Variants in GK5 observed in about 807,000 individuals in gnomAD.
GK5 encodes the protein ATP:glycerol 3-phosphotransferase 5.
In GK5, 39 loss-of-function variants were observed where a neutral mutation model predicts 77.3. The ratio of observed to expected loss-of-function variants is 0.50; its 90% confidence interval spans 0.39 to 0.66. The LOEUF (loss-of-function observed/expected upper bound fraction) is 0.66, where lower values mean the gene tolerates loss of function less well. GK5 is among the 30% of genes least tolerant of loss of function. The probability of loss-of-function intolerance (pLI) is 0.00; values close to 1 mark genes in which losing one functional copy is unlikely to be tolerated. For synonymous variants in GK5, 211 were observed against 208.0 expected, an observed-to-expected ratio of 1.01 and a Z score of -0.13; for missense variants, 487 against 633.8, an observed-to-expected ratio of 0.77 and a Z score of 2.49.
At chr3:142,179,728 A>C (rs1378654367) in intron 11 of GK5, among the ~76,000 whole-genome samples, 1 of 152,204 alleles carries the variant, frequency 6.6e-6, no homozygotes, top group East Asian at 1.9e-4. Context: ...TCTCTAAATA[A>C]TCTTCCACTT....
chr3:142,214,150 T>C (rs2107797356), intron 2 of GK5, among the ~76,000 whole-genome samples: 1 of 152,208 alleles, frequency 6.6e-6, no homozygotes, highest in East Asian at 1.9e-4. Context: ...AATAACAAAG[T>C]AGCTTTTTTT....
At chr3:142,185,673 G>T in intron 9 of GK5, 1 of 1,308,346 alleles carries the variant, frequency 7.6e-7, no homozygotes, top group Non-Finnish European at 9.8e-7. Context: ...TAAGTTTTCT[G>T]ATAAACAATA....
At chr3:142,201,090 A>G (rs948896893) in intron 4 of GK5, among the ~76,000 whole-genome samples, 3 of 152,228 alleles carry the variant, frequency 2.0e-5, no homozygotes, top group Non-Finnish European at 4.4e-5. Context: ...AGATCCTTAC[A>G]AAAGAAAACA....
At chr3:142,205,794 G>A (rs1434636534) in intron 3 of GK5, among the ~76,000 whole-genome samples, 4 of 152,076 alleles carry the variant, frequency 2.6e-5, no homozygotes, top group Non-Finnish European at 5.9e-5. Context: ...TATTTTACGT[G>A]TACAATTCAG....
intron 12 of GK5, among the ~76,000 whole-genome samples, chr3:142,175,826 C>T (rs1185089900): frequency 2.0e-5 from 3 of 148,198 alleles, no homozygotes; most frequent in African/African-American, 7.4e-5. Context: ...AAAAAATATA[C>T]TTTATATTAT....
At chr3:142,181,917 A>G (rs932616727) in intron 10 of GK5, among the ~76,000 whole-genome samples, 3 of 152,260 alleles carry the variant, frequency 2.0e-5, no homozygotes, top group Non-Finnish European at 2.9e-5. Flanking sequence ...ATATGGCAAT[A>G]AATATTTTAC....
At position 142,214,855 on chromosome 3, in the gene GK5, T is replaced by C. The variant is rs531095816; in HGVS notation, c.241+744A>G. 3.9e-5 allele frequency among the ~76,000 whole-genome samples: 6 copies of C among 152,344 alleles called. No individual in the cohort carries two copies. In the South Asian group the frequency reaches 1.0e-3, roughly 26 times the overall value. On this transcript the variant is annotated intron_variant, in intron 2 of 15. Coordinates refer to ENST00000392993, the MANE Select transcript of GK5 (RefSeq NM_001039547.3). ...GTTATAGGAGAAAATACTCCTTTCC[T>C]ATGGTTCAGAAAGAAAAAAACAGTT...
rs2063401679 is a variant in GK5 at position 142,158,790 on chromosome 3, A to G, written c.*6832T>C. Reference sequence around the variant, plus strand: ...CCTGCTTTAAATAAAAAGGTTAGAAACATTATGATAACTATGTACAAAGTA... The same window carrying G: ...CCTGCTTTAAATAAAAAGGTTAGAAGCATTATGATAACTATGTACAAAGTA... On this transcript the variant is annotated 3_prime_UTR_variant, in exon 16 of 16. Transcript: ENST00000392993. 1 of 152,466 alleles carries G rather than the reference A, an allele frequency of 6.6e-6. No homozygotes were observed. Among genetic ancestry groups the G allele is most frequent in the South Asian group, 2.1e-4 (1 of 4,830 alleles). The allele number at this position is 152,466 out of a possible 1,614,324, so 9.4% of individuals were successfully genotyped here.
At chr3:142,179,807 C>A (rs1258294555) in intron 11 of GK5, among the ~76,000 whole-genome samples, 5 of 152,196 alleles carry the variant, frequency 3.3e-5, no homozygotes, top group African/African-American at 1.2e-4. Context: ...CTCTCTCCCC[C>A]ACTGAATGTA....
intron 3 of GK5, among the ~76,000 whole-genome samples, chr3:142,213,283 CGAAA>C (rs201763247): frequency 0.015 from 2,316 of 152,030 alleles, 60 homozygotes; most frequent in African/African-American, 0.053. Context: ...CTAACTTACC[CGAAA>C]GAAAGAAATG....
intron 1 of GK5, 112 bp downstream of exon 1, chr3:142,225,197 G>A (rs1344592331): frequency 8.3e-7 from 1 of 1,205,464 alleles, no homozygotes; most frequent in East Asian, 3.1e-5. Flanking sequence ...GGTGCTGCAG[G>A]TGGCCGCGTC....
intron 2 of GK5, among the ~76,000 whole-genome samples, chr3:142,215,375 G>A (rs1228754337): frequency 6.6e-6 from 1 of 152,152 alleles, no homozygotes; most frequent in Non-Finnish European, 1.5e-5. Flanking sequence ...TTATATTACA[G>A]TCGAAAAGAG....
intron 1 of GK5, among the ~76,000 whole-genome samples, chr3:142,219,304 T>A (rs1341861520): frequency 6.6e-6 from 1 of 152,202 alleles, no homozygotes; most frequent in African/African-American, 2.4e-5. Flanking sequence ...GCAGCTCTAT[T>A]AATGATCACC....
At chr3:142,222,024 T>A (rs930462210) in intron 1 of GK5, among the ~76,000 whole-genome samples, 15 of 152,230 alleles carry the variant, frequency 9.9e-5, no homozygotes, top group Non-Finnish European at 1.2e-4. Flanking sequence ...CTATTATACA[T>A]TCTTTCCATT....
intron 3 of GK5, among the ~76,000 whole-genome samples, chr3:142,208,968 T>C (rs1178167926): frequency 6.6e-6 from 1 of 152,074 alleles, no homozygotes. Context: ...GCTAACATGG[T>C]GAAACCCCGT....
At chr3:142,224,009 G>C (rs2064394097) in intron 1 of GK5, among the ~76,000 whole-genome samples, 1 of 152,114 alleles carries the variant, frequency 6.6e-6, no homozygotes, top group Non-Finnish European at 1.5e-5. Flanking sequence ...TGAGAAAAAG[G>C]GGGAATACAG....
intron 1 of GK5, among the ~76,000 whole-genome samples, chr3:142,224,155 G>C (rs1214913335): frequency 3.3e-5 from 5 of 152,076 alleles, no homozygotes; most frequent in African/African-American, 7.2e-5. Context: ...CTGTAATCTT[G>C]GCACTTAGGG....
intron 12 of GK5, chr3:142,173,138 C>G (rs2063560590): frequency 2.4e-6 from 1 of 416,998 alleles, no homozygotes; most frequent in African/African-American, 2.1e-5. Flanking sequence ...GGGTTTGAGG[C>G]TGCAATGAGC....
Position 142,177,588 on chromosome 3 carries a change from A to G in GK5, c.1049-12T>C. The G allele has an allele frequency of 6.5e-7, 1 of 1,549,762 alleles. No homozygotes were observed. Among genetic ancestry groups the G allele is most frequent in the Non-Finnish European group, 8.9e-7 (1 of 1,129,424 alleles). ...ATCTGTGAAAAGGTCTGCAAAAACA[A>G]ACAAACAACAAAAAACCCTAAAACA... On this transcript the variant is annotated splice_polypyrimidine_tract_variant and intron_variant, in intron 11 of 15. Transcript: ENST00000392993.
Sources: allele counts gnomAD v4.1 joint callset (sites outside exome capture counted in the v4.1 genomes callset), GRCh38; gene constraint gnomAD v4.1.1; transcripts MANE v1.5; gene names NCBI Gene and HGNC (gene_info 2026-07-23, HGNC 2026-07-21).